The following NCAM1 variants were observed in gnomAD, a reference collection of about 807,000 sequenced individuals.
NCAM1 encodes neural cell adhesion molecule 1.
NCAM1 carries 14 observed loss-of-function variants against 109.8 expected under a neutral mutation model. The ratio of observed to expected loss-of-function variants is 0.13; its 90% CI spans 0.08 to 0.20. The LOEUF is 0.20. Among genes scored for constraint, NCAM1 ranks in the 10% least tolerant of loss-of-function variants. NCAM1 has a pLI of 1.00. For missense variants in NCAM1, 774 were observed against 1,109.9 expected, an observed-to-expected ratio of 0.70 and a Z score of 4.30; for synonymous variants, 418 against 442.9, an observed-to-expected ratio of 0.94 and a Z score of 0.70.
At chr11:113,133,086 A>G (rs1170391737) in intron 1 of NCAM1, 3 of 152,148 alleles carry the variant, frequency 2.0e-5, no homozygotes, top group African/African-American at 7.2e-5. Context: ...ATTATGTCCT[A>G]TGTGTTTGTA....
intron 15 of NCAM1, among the ~76,000 whole-genome samples, chr11:113,249,437 G>T (rs1945594725): frequency 1.3e-5 from 2 of 152,198 alleles, no homozygotes; most frequent in Admixed American, 1.3e-4. Context: ...GGCAGGGACT[G>T]TGGGCAGGGA....
At chr11:113,093,448 A>G (rs1285595816) in intron 1 of NCAM1, among the ~76,000 whole-genome samples, 5 of 152,052 alleles carry the variant, frequency 3.3e-5, no homozygotes, top group African/African-American at 9.7e-5. Context: ...TTATTCTCAA[A>G]CGTAGTTCAC....
rs532911579 is a variant in NCAM1, at chr11:113,048,560, C to T, written c.52+86896C>T. Among the ~76,000 whole-genome samples, 37 of 152,304 alleles carry T rather than the reference C, an allele frequency of 2.4e-4. No individual in the cohort carries two copies. In the Middle Eastern group the frequency reaches 0.01, roughly 42 times the overall value. Reference sequence around the variant, plus strand: ...CCATCCTGATGATCCATCCATCTTGCGAGGCCTACAGTTTCTCTGATTCCC... The same window carrying T: ...CCATCCTGATGATCCATCCATCTTGTGAGGCCTACAGTTTCTCTGATTCCC... On this transcript the variant is annotated intron_variant, in intron 1 of 19. Transcript: ENST00000316851.
At chr11:113,188,675 T>G (rs1309136693) in intron 1 of NCAM1, among the ~76,000 whole-genome samples, 1 of 152,188 alleles carries the variant, frequency 6.6e-6, no homozygotes, top group Non-Finnish European at 1.5e-5. Context: ...GAAGAAAATT[T>G]CAGTGACTGG....
chr11:113,073,204 T>A (rs1938367934), intron 1 of NCAM1, among the ~76,000 whole-genome samples: 1 of 152,236 alleles, frequency 6.6e-6, no homozygotes, highest in Non-Finnish European at 1.5e-5. Flanking sequence ...TAATATTCCA[T>A]TAAATGTATA....
intron 1 of NCAM1, among the ~76,000 whole-genome samples, chr11:113,079,126 G>C (rs1323201495): frequency 6.6e-6 from 1 of 152,176 alleles, no homozygotes; most frequent in Non-Finnish European, 1.5e-5. Context: ...CCACCTTCGA[G>C]TTTACATGAG....
chr11:113,196,487 G>A (rs1296853778), intron 1 of NCAM1, among the ~76,000 whole-genome samples: 3 of 152,172 alleles, frequency 2.0e-5, no homozygotes, highest in African/African-American at 7.2e-5. Context: ...AATAGTAACC[G>A]AAATAATTTC....
At chr11:113,185,974 C>T (rs1382590574) in intron 1 of NCAM1, among the ~76,000 whole-genome samples, 2 of 152,180 alleles carry the variant, frequency 1.3e-5, no homozygotes, top group African/African-American at 4.8e-5. Flanking sequence ...AGAGCCTGCC[C>T]CCGCTGCATT....
At chr11:113,034,506 G>A (rs905126180) in intron 1 of NCAM1, among the ~76,000 whole-genome samples, 2 of 152,108 alleles carry the variant, frequency 1.3e-5, no homozygotes, top group African/African-American at 4.8e-5. Context: ...GAATTCATCT[G>A]TACATATGAA....
intron 1 of NCAM1, among the ~76,000 whole-genome samples, chr11:113,109,949 T>C (rs1321568271): frequency 3.3e-5 from 5 of 152,182 alleles, no homozygotes; most frequent in African/African-American, 1.2e-4. Context: ...CATACATATA[T>C]ACATACATAT....
chr11:113,204,463 A>T lies in NCAM1; in HGVS notation c.305A>T (p.Asp102Val). 1 of 1,613,974 alleles carries T rather than the reference A, an allele frequency of 6.2e-7. No individual in the cohort carries two copies. Among genetic ancestry groups the T allele is most frequent in the Non-Finnish European group, 8.5e-7 (1 of 1,179,888 alleles). ...GIYKCVVTGE[D>V]GSESEATVNV... is the part of the protein sequence containing the mutation. Reference sequence around the variant, plus strand: ...TACAAGTGTGTGGTTACAGGCGAGGATGGCAGTGAGTCAGAGGCCACCGTC... The same window carrying T: ...TACAAGTGTGTGGTTACAGGCGAGGTTGGCAGTGAGTCAGAGGCCACCGTC... The change falls in exon 3 of 20, where the codon GAT (aspartate) becomes GTT (valine). Residue 102 changes from aspartate (D) to valine (V), a missense_variant. By Grantham distance (152) the Asp-to-Val change is radical. This residue lies in a region of NCAM1 where 112 missense variants were observed against 142.0 expected (regional missense o/e 0.79). Coordinates refer to ENST00000316851, the MANE Select transcript of NCAM1 (RefSeq NM_181351.5).
chr11:113,247,356 C>T (rs1555120459), intron 15 of NCAM1, among the ~76,000 whole-genome samples: 1 of 152,154 alleles, frequency 6.6e-6, no homozygotes, highest in East Asian at 1.9e-4. Flanking sequence ...TCCAATAACC[C>T]CCTGGTGTGC....
At chr11:113,167,969 ACTT>A (rs1942862455) in intron 1 of NCAM1, among the ~76,000 whole-genome samples, 2 of 152,042 alleles carry the variant, frequency 1.3e-5, no homozygotes, top group Admixed American at 6.5e-5. Flanking sequence ...CTGTTCTATA[ACTT>A]CTTTGGAAAC....
In NCAM1 at chr11:113,253,427, G is replaced by A. The variant is rs183736357; in HGVS notation, c.1829-2450G>A. On this transcript the variant is annotated intron_variant, in intron 15 of 19. Coordinates refer to ENST00000316851, the MANE Select transcript of NCAM1 (RefSeq NM_181351.5). ...ACAGCCCAGGTGTAGTTGGTAGTCC[G>A]TGCTAGTGCAGTGGCTGTCACTGTT... Among the ~76,000 whole-genome samples the A allele has an allele frequency of 4.9e-4, 74 of 152,180 alleles. 1 individual carries two copies. The highest frequency in any genetic ancestry group is 7.6e-4 in the Non-Finnish European group (52 of 68,018).
chr11:113,179,832 G>A (rs1555107687), intron 1 of NCAM1, among the ~76,000 whole-genome samples: 1 of 152,166 alleles, frequency 6.6e-6, no homozygotes, highest in African/African-American at 2.4e-5. Context: ...TTAAAATATG[G>A]AGACACTTGG....
chr11:113,169,138 G>C (rs891893081), intron 1 of NCAM1, among the ~76,000 whole-genome samples: 2 of 151,208 alleles, frequency 1.3e-5, no homozygotes, highest in African/African-American at 2.4e-5. Context: ...AGCCAGCTTG[G>C]GAAACCCAGG....
chr11:113,010,321 C>T (rs1952014431), intron 1 of NCAM1, among the ~76,000 whole-genome samples: 1 of 152,124 alleles, frequency 6.6e-6, no homozygotes, highest in African/African-American at 2.4e-5. Flanking sequence ...AAATGTATTT[C>T]CTCAGAAATA....
At chr11:113,231,433 G>T in intron 9 of NCAM1, 1 of 955,298 alleles carries the variant, frequency 1.0e-6, no homozygotes, top group South Asian at 1.6e-5. Flanking sequence ...TTCTGTTTCG[G>T]ATACTCCCAG....
chr11:113,106,302 A>G (rs17114843), intron 1 of NCAM1, among the ~76,000 whole-genome samples: 10,915 of 152,144 alleles, frequency 0.072, 754 homozygotes, highest in Admixed American at 0.17. Context: ...AAACATCTTA[A>G]CTCAGTAAAC....
Sources: gnomAD v4.1 joint callset for allele counts (sites outside exome capture counted in the v4.1 genomes callset) on GRCh38, gnomAD v4.1.1 for gene constraint, gnomAD v4.1.1 regional missense constraint, MANE v1.5 for transcripts, NCBI Gene and HGNC (gene_info 2026-07-23, HGNC 2026-07-21) for gene names.